ASTN2: variants seen among roughly 807,000 people sequenced by gnomAD.
The protein encoded by ASTN2 is astrotactin 2, also known as astrotactin-2.
ASTN2 carries 54 observed loss-of-function variants against 139.8 expected under a neutral mutation model. That is an observed-to-expected ratio of 0.39 (90% CI 0.31 to 0.48). The LOEUF (loss-of-function observed/expected upper bound fraction) is 0.48, where lower values mean the gene tolerates loss of function less well. Ranked by LOEUF, ASTN2 falls within the 20% of genes least tolerant of loss-of-function variation. ASTN2 has a pLI of 0.95. For synonymous variants in ASTN2, 756 were observed against 719.5 expected, an observed-to-expected ratio of 1.05 and a Z score of -0.81; for missense variants, 1,565 against 1,725.1, an observed-to-expected ratio of 0.91 and a Z score of 1.64.
rs752111718 is a variant in ASTN2 at position 117,119,990 on chromosome 9, A to ATGTGTGTGTGTGTGTGTG, written c.1168+21318_1168+21335dup. Among the ~76,000 whole-genome samples, 72 of 73,192 alleles carry ATGTGTGTGTGTGTGTGTG rather than the reference A, an allele frequency of 9.8e-4. 1 individual carries two copies. Among genetic ancestry groups the ATGTGTGTGTGTGTGTGTG allele is most frequent in the Non-Finnish European group, 6.9e-4 (28 of 40,606 alleles). 48.0% of individuals were successfully genotyped at this position (73,192 alleles called of 152,430 possible). A position where few individuals can be genotyped will look rare whatever the true frequency, so the allele number is the denominator to read the frequency against. On this transcript the variant is annotated intron_variant, in intron 4 of 22. Transcript: ENST00000313400. ...TATATAGATATCTCTATATATTTGT[A>ATGTGTGTGTGTGTGTGTG]TGTGTGTGTGTGTGTGTGTGTGTGT...
intron 1 of ASTN2, among the ~76,000 whole-genome samples, chr9:117,371,943 A>G (rs1170788397): frequency 6.6e-6 from 1 of 152,066 alleles, no homozygotes; most frequent in African/African-American, 2.4e-5. Flanking sequence ...TGCCTTGCAT[A>G]CCTGTCTCAA....
At chr9:116,605,487 G>C (rs1022314159) in intron 19 of ASTN2, among the ~76,000 whole-genome samples, 4 of 152,284 alleles carry the variant, frequency 2.6e-5, no homozygotes, top group Non-Finnish European at 4.4e-5. Context: ...GCATGGGGGT[G>C]TGGTGAGAAT....
chr9:117,040,734 C>T (rs1430254972), intron 5 of ASTN2, among the ~76,000 whole-genome samples: 1 of 152,222 alleles, frequency 6.6e-6, no homozygotes, highest in East Asian at 1.9e-4. Flanking sequence ...GCTGGGATTA[C>T]AGGCATAAGC....
intron 13 of ASTN2, among the ~76,000 whole-genome samples, chr9:116,761,337 C>G (rs1829667762): frequency 1.3e-5 from 2 of 152,138 alleles, no homozygotes; most frequent in Admixed American, 1.3e-4. Flanking sequence ...AATGAAGTAC[C>G]TGCTGTGTGG....
chr9:116,991,182 A>G (rs1836842915), intron 7 of ASTN2, among the ~76,000 whole-genome samples: 2 of 152,188 alleles, frequency 1.3e-5, no homozygotes, highest in African/African-American at 4.8e-5. Context: ...ATACACACAG[A>G]AACACATACT....
At chr9:116,566,899 A>G (rs555086114) in intron 19 of ASTN2, among the ~76,000 whole-genome samples, 10 of 151,850 alleles carry the variant, frequency 6.6e-5, no homozygotes, top group Middle Eastern at 3.4e-3. Context: ...ACTCCCCCCA[A>G]CCTGATGGCT....
intron 12 of ASTN2, among the ~76,000 whole-genome samples, chr9:116,808,619 C>A (rs918895999): frequency 2.0e-5 from 3 of 152,126 alleles, no homozygotes; most frequent in Non-Finnish European, 4.4e-5. Flanking sequence ...ACAAACAATG[C>A]CATAATGAAG....
chr9:116,666,949 C>CTTT (rs34835904), intron 16 of ASTN2, among the ~76,000 whole-genome samples: 32 of 70,372 alleles, frequency 4.5e-4, no homozygotes, highest in Middle Eastern at 0.014. Flanking sequence ...TTTATTTATT[C>CTTT]TTTTTTTTTT....
At chr9:117,070,240 A>T (rs918874664) in intron 5 of ASTN2, among the ~76,000 whole-genome samples, 2 of 132,840 alleles carry the variant, frequency 1.5e-5, no homozygotes, top group African/African-American at 5.8e-5. Flanking sequence ...GCTTGTCTGT[A>T]AAGTATTTTA....
At chr9:116,814,471 T>C (rs534851156) in intron 12 of ASTN2, among the ~76,000 whole-genome samples, 1 of 152,034 alleles carries the variant, frequency 6.6e-6, no homozygotes, top group South Asian at 2.1e-4. Flanking sequence ...CTGGATTAAT[T>C]ATATAGCAGA....
chr9:116,499,458 C>A (rs1052715824), intron 19 of ASTN2, among the ~76,000 whole-genome samples: 1 of 152,170 alleles, frequency 6.6e-6, no homozygotes, highest in African/African-American at 2.4e-5. Flanking sequence ...TCACTCTTTG[C>A]CTTCACCTGG....
intron 17 of ASTN2, among the ~76,000 whole-genome samples, chr9:116,630,611 C>T (rs1228422842): frequency 1.3e-5 from 2 of 151,876 alleles, no homozygotes; most frequent in Admixed American, 6.6e-5. Flanking sequence ...CAAATAATGA[C>T]TTAATAAAAA....
chr9:116,881,156 A>T (rs982968222), intron 10 of ASTN2, among the ~76,000 whole-genome samples: 14 of 152,188 alleles, frequency 9.2e-5, no homozygotes, highest in Middle Eastern at 6.3e-3. Flanking sequence ...GGTGTGTTGC[A>T]TAAATACCCA....
intron 6 of ASTN2, among the ~76,000 whole-genome samples, chr9:117,036,351 C>T (rs1025780245): frequency 2.0e-5 from 3 of 152,140 alleles, no homozygotes; most frequent in Non-Finnish European, 2.9e-5. Flanking sequence ...GTGTATACTC[C>T]GTAGTTATTT....
At chr9:116,865,423 C>CA (rs869251101) in intron 10 of ASTN2, among the ~76,000 whole-genome samples, 6 of 48,852 alleles carry the variant, frequency 1.2e-4, no homozygotes, top group Non-Finnish European at 1.4e-4. Flanking sequence ...AACACTGTCT[C>CA]AAAAAAAAAA....
chr9:116,519,381 A>T (rs756538976), intron 19 of ASTN2, among the ~76,000 whole-genome samples: 7 of 152,116 alleles, frequency 4.6e-5, no homozygotes, highest in Non-Finnish European at 1.0e-4. Context: ...AATACATGGA[A>T]ATTAAATAGC....
At chr9:116,445,874 C>T (rs895206950) in intron 20 of ASTN2, among the ~76,000 whole-genome samples, 1 of 152,238 alleles carries the variant, frequency 6.6e-6, no homozygotes. Context: ...GTGGGGGCCT[C>T]GGGATGGAGG....
intron 3 of ASTN2, among the ~76,000 whole-genome samples, chr9:117,148,244 T>C (rs1830247576): frequency 6.6e-6 from 1 of 152,212 alleles, no homozygotes; most frequent in Non-Finnish European, 1.5e-5. Flanking sequence ...CTTTCACTTT[T>C]GCAACCCCTG....
intron 19 of ASTN2, among the ~76,000 whole-genome samples, chr9:116,511,638 T>C (rs902936145): frequency 6.6e-6 from 1 of 152,144 alleles, no homozygotes; most frequent in African/African-American, 2.4e-5. Flanking sequence ...GGTACTGGAC[T>C]TTTTTTGGTT....
Sources: allele counts gnomAD v4.1 joint callset (sites outside exome capture counted in the v4.1 genomes callset), GRCh38; gene constraint gnomAD v4.1.1; transcripts MANE v1.5; gene names NCBI Gene and HGNC (gene_info 2026-07-23, HGNC 2026-07-21).